Variants in SLIT3 observed in about 807,000 individuals in gnomAD.
The protein encoded by SLIT3 is slit homolog 3 protein.
SLIT3 carries 68 observed loss-of-function variants against 184.0 expected under a neutral mutation model. The ratio of observed to expected loss-of-function variants is 0.37; its 90% confidence interval spans 0.30 to 0.45. SLIT3 has a LOEUF of 0.45. Ranked by LOEUF, SLIT3 falls within the 20% of genes least tolerant of loss-of-function variation. SLIT3 has a pLI of 1.00. For synonymous variants in SLIT3, 831 were observed against 828.6 expected (o/e 1.00, Z -0.05); for missense variants, 1,707 against 2,026.0 (o/e 0.84, Z 3.02).
intron 4 of SLIT3, among the ~76,000 whole-genome samples, chr5:169,071,934 A>G (rs1159885454): frequency 6.6e-6 from 1 of 152,192 alleles, no homozygotes; most frequent in African/African-American, 2.4e-5. Flanking sequence ...CGTCACAGAG[A>G]GACAGTAGAA....
At chr5:168,701,415 C>A (rs1028080165) in intron 26 of SLIT3, among the ~76,000 whole-genome samples, 3 of 152,262 alleles carry the variant, frequency 2.0e-5, no homozygotes, top group Non-Finnish European at 2.9e-5. Flanking sequence ...AGGTGGGGAA[C>A]CTTTGCGATA....
intron 23 of SLIT3, 60 bp from the exon 24 acceptor site, chr5:168,712,414 T>G: frequency 6.7e-7 from 1 of 1,486,122 alleles, no homozygotes; most frequent in African/African-American, 1.4e-5. Context: ...TAGCATATTC[T>G]CAGGGCCTCC....
At chr5:169,077,844 TA>T (rs57058518) in intron 4 of SLIT3, among the ~76,000 whole-genome samples, 6,387 of 115,768 alleles carry the variant, frequency 0.055, 376 homozygotes, top group East Asian at 0.27. Context: ...CTTCAATTAC[TA>T]AAAAAAAAAA....
chr5:168,916,184 G>A (rs568285205), intron 4 of SLIT3, among the ~76,000 whole-genome samples: 6 of 152,326 alleles, frequency 3.9e-5, no homozygotes, highest in African/African-American at 1.4e-4. Flanking sequence ...GGCATATGTG[G>A]AGCCCACATT....
At position 168,774,346 on chromosome 5, in the gene SLIT3, C is replaced by T. The variant is rs2288792; in HGVS notation, c.1184G>A (p.Arg395Gln). The T allele has an allele frequency of 5.0e-4, 807 of 1,613,662 alleles. 5 individuals are homozygous for T. In the East Asian group the frequency reaches 0.015, roughly 31 times the overall value. ...LLNANKINCL[R>Q]VNTFQDLQNL... ...CTGCAGGTCCTGAAACGTGTTCACC[C>T]GCAGGCAGTTGATCTTGTTGGCATT... The change falls in exon 13 of 36, where the codon CGG (arginine) becomes CAG (glutamine). Residue 395 changes from arginine to glutamine, a missense_variant. Physicochemically the swap from Arg to Gln is conservative, Grantham distance 43. Around this residue, in one of 3 missense-constraint regions of SLIT3, gnomAD observed 1,307 missense variants for 1,511.6 expected, o/e 0.86. Transcript: ENST00000519560.
At chr5:168,715,376 C>T (rs1381694537) in intron 23 of SLIT3, among the ~76,000 whole-genome samples, 2 of 152,258 alleles carry the variant, frequency 1.3e-5, no homozygotes, top group Non-Finnish European at 2.9e-5. Context: ...CCCCTCCCCA[C>T]CTCTTGGTCC....
intron 4 of SLIT3, among the ~76,000 whole-genome samples, chr5:168,988,541 G>A (rs1024943040): frequency 6.6e-6 from 1 of 152,176 alleles, no homozygotes; most frequent in African/African-American, 2.4e-5. Context: ...GAAGGAGGGT[G>A]TGTGGCTTCC....
intron 29 of SLIT3, among the ~76,000 whole-genome samples, chr5:168,690,632 G>A (rs1039435346): frequency 4.6e-5 from 7 of 152,176 alleles, no homozygotes; most frequent in African/African-American, 1.4e-4. Flanking sequence ...CAAATCAGGG[G>A]GGTGGAAGTA....
At chr5:168,727,409 T>A (rs548763320) in intron 20 of SLIT3, among the ~76,000 whole-genome samples, 3 of 152,184 alleles carry the variant, frequency 2.0e-5, no homozygotes, top group African/African-American at 7.2e-5. Context: ...GGGTGAAGAC[T>A]TGGAAAGAGC....
At chr5:169,016,763 T>C (rs1756395823) in intron 4 of SLIT3, among the ~76,000 whole-genome samples, 1 of 152,212 alleles carries the variant, frequency 6.6e-6, no homozygotes, top group Non-Finnish European at 1.5e-5. Context: ...CAAATAATAG[T>C]ATAGACCTCA....
intron 3 of SLIT3, among the ~76,000 whole-genome samples, chr5:169,203,101 G>C (rs75603117): frequency 0.017 from 2,657 of 152,220 alleles, 94 homozygotes; most frequent in African/African-American, 0.061. Context: ...GGGCCAAAAG[G>C]CACTGTGAGT....
intron 5 of SLIT3, among the ~76,000 whole-genome samples, chr5:168,852,614 G>GT (rs1758719937): frequency 6.6e-6 from 1 of 152,206 alleles, no homozygotes; most frequent in South Asian, 2.1e-4. Flanking sequence ...AGAGATCTTT[G>GT]TTTCCCTTTA....
chr5:168,968,973 C>T (rs1336189635), intron 4 of SLIT3, among the ~76,000 whole-genome samples: 1 of 152,106 alleles, frequency 6.6e-6, no homozygotes, highest in African/African-American at 2.4e-5. Context: ...AGGGCAAAGC[C>T]TATTTGTTGG....
At chr5:169,240,341 T>C (rs1029721687) in intron 3 of SLIT3, among the ~76,000 whole-genome samples, 1 of 151,846 alleles carries the variant, frequency 6.6e-6, no homozygotes, top group African/African-American at 2.4e-5. Context: ...AAGTGTATCT[T>C]AACTATGATT....
At chr5:169,047,087 C>T (rs923311098) in intron 4 of SLIT3, among the ~76,000 whole-genome samples, 1 of 152,102 alleles carries the variant, frequency 6.6e-6, no homozygotes. Flanking sequence ...CCTAAAAAAA[C>T]CCCACAACAA....
At chr5:169,185,032 CGGA>C (rs1464455267) in intron 4 of SLIT3, among the ~76,000 whole-genome samples, 2 of 152,184 alleles carry the variant, frequency 1.3e-5, no homozygotes, top group Non-Finnish European at 2.9e-5. Context: ...CACATCCTAT[CGGA>C]GGAGAGAGAC....
intron 32 of SLIT3, among the ~76,000 whole-genome samples, chr5:168,673,870 A>T (rs1761329342): frequency 6.7e-6 from 1 of 150,096 alleles, no homozygotes; most frequent in Non-Finnish European, 1.5e-5. Context: ...TATTTCATAG[A>T]GTTAAGCAAA....
intron 20 of SLIT3, among the ~76,000 whole-genome samples, chr5:168,727,012 A>G (rs1402443671): frequency 6.8e-6 from 1 of 146,210 alleles, no homozygotes; most frequent in African/African-American, 2.5e-5. Context: ...CTGTGTCTCA[A>G]AAAAAAAAAA....
chr5:169,207,293 G>A (rs1764103581), intron 3 of SLIT3, among the ~76,000 whole-genome samples: 1 of 151,274 alleles, frequency 6.6e-6, no homozygotes, highest in South Asian at 2.1e-4. Flanking sequence ...GTGGACTGAA[G>A]CAGGGACCCT....
Sources: allele counts gnomAD v4.1 joint callset (sites outside exome capture counted in the v4.1 genomes callset), GRCh38; gene constraint gnomAD v4.1.1; regional missense constraint gnomAD v4.1.1; transcripts MANE v1.5; gene names NCBI Gene and HGNC (gene_info 2026-07-23, HGNC 2026-07-21).